Variants in RFTN2 observed in about 807,000 individuals in gnomAD.
The protein encoded by RFTN2 is raftlin-2.
RFTN2 carries 34 observed loss-of-function variants against 52.7 expected under a neutral mutation model. That is an observed-to-expected ratio of 0.64 (90% confidence interval 0.49 to 0.86). RFTN2 has a LOEUF of 0.86. RFTN2 is among the 40% of genes least tolerant of loss of function. The pLI is 0.00. For synonymous variants in RFTN2, 203 were observed against 217.7 expected (o/e 0.93, Z 0.59); for missense variants, 536 against 600.1 (o/e 0.89, Z 1.12).
At chr2:197,586,273 G>A (rs370175550) in intron 8 of RFTN2, among the ~76,000 whole-genome samples, 6 of 151,972 alleles carry the variant, frequency 3.9e-5, no homozygotes, top group African/African-American at 1.2e-4. Flanking sequence ...GATACTCATC[G>A]TTTTCTCACA....
chr2:197,595,445 C>T (rs995259716), intron 8 of RFTN2, among the ~76,000 whole-genome samples: 1 of 152,072 alleles, frequency 6.6e-6, no homozygotes, highest in Admixed American at 6.6e-5. Flanking sequence ...GTGTAGAAGA[C>T]CTGGGAGTTT....
chr2:197,624,131 C>T (rs528762748), intron 5 of RFTN2, among the ~76,000 whole-genome samples: 5 of 152,176 alleles, frequency 3.3e-5, no homozygotes, highest in Admixed American at 1.3e-4. Context: ...GAATCTACTC[C>T]TGGTGAAGAT....
rs534834959 is a variant in RFTN2, at chr2:197,623,230, A to G, written c.929-5309T>C. On this transcript the variant is annotated intron_variant, in intron 5 of 8. Coordinates refer to ENST00000295049, the MANE Select transcript of RFTN2 (RefSeq NM_144629.3). ...ATGCCATTAAGAACATTTATGATTC[A>G]TGGGAGGAGGCCAAAATATCAACAT... Among the ~76,000 whole-genome samples the G allele has an allele frequency of 1.4e-4, 21 of 152,354 alleles. No individual in the cohort carries two copies. In the South Asian group the frequency reaches 4.3e-3, roughly 32 times the overall value.
intron 7 of RFTN2, among the ~76,000 whole-genome samples, chr2:197,605,805 T>C (rs1011688153): frequency 6.6e-6 from 1 of 152,166 alleles, no homozygotes; most frequent in Non-Finnish European, 1.5e-5. Flanking sequence ...GAAAATCATT[T>C]ACTATTCCAA....
intron 2 of RFTN2, 69 bp downstream of exon 2, chr2:197,646,414 A>C: frequency 3.8e-6 from 5 of 1,326,282 alleles, no homozygotes; most frequent in Non-Finnish European, 5.2e-6. Flanking sequence ...ACTTGATTCA[A>C]ATTTTTTTTT....
chr2:197,605,576 T>G (rs1011802739), intron 7 of RFTN2, among the ~76,000 whole-genome samples: 9 of 152,320 alleles, frequency 5.9e-5, no homozygotes, highest in African/African-American at 2.2e-4. Context: ...TCACTCTTCT[T>G]TAAATATATC....
At chr2:197,669,201 T>A (rs550064275) in intron 1 of RFTN2, among the ~76,000 whole-genome samples, 7 of 152,358 alleles carry the variant, frequency 4.6e-5, no homozygotes, top group Admixed American at 3.9e-4. Context: ...GACCAAATTA[T>A]GACCAAACTC....
chr2:197,646,419 T>C, intron 2 of RFTN2, 64 bp downstream of exon 2: 1 of 1,356,690 alleles, frequency 7.4e-7, no homozygotes, highest in South Asian at 1.5e-5. Flanking sequence ...ATTCAAATTT[T>C]TTTTTCTTTT....
intron 5 of RFTN2, among the ~76,000 whole-genome samples, chr2:197,625,712 TCCTCTCCTCC>T (rs1207239922): frequency 1.5e-4 from 17 of 110,036 alleles, no homozygotes; most frequent in Non-Finnish European, 1.8e-4. Flanking sequence ...TCCTCTCCTC[TCCTCTCCTCC>T]CCTCCCTTCC....
At chr2:197,620,605 T>A (rs1163438531) in intron 5 of RFTN2, among the ~76,000 whole-genome samples, 1 of 152,220 alleles carries the variant, frequency 6.6e-6, no homozygotes, top group African/African-American at 2.4e-5. Context: ...ATTATTATTA[T>A]TTTTTTGACA....
At chr2:197,581,514 A>T (rs978588969) in intron 8 of RFTN2, among the ~76,000 whole-genome samples, 26 of 152,072 alleles carry the variant, frequency 1.7e-4, no homozygotes, top group Non-Finnish European at 2.9e-4. Flanking sequence ...GCTCTTTCTC[A>T]TGATTTACTT....
intron 3 of RFTN2, among the ~76,000 whole-genome samples, chr2:197,640,072 C>T (rs898283260): frequency 2.0e-4 from 30 of 152,190 alleles, no homozygotes; most frequent in African/African-American, 7.0e-4. Context: ...GTCAGGGACC[C>T]ACTTGAGGAG....
intron 7 of RFTN2, among the ~76,000 whole-genome samples, chr2:197,599,421 C>T (rs897781997): frequency 2.6e-5 from 4 of 152,262 alleles, no homozygotes; most frequent in African/African-American, 7.2e-5. Context: ...GTTACTTACT[C>T]CCTCTGCAGT....
intron 8 of RFTN2, among the ~76,000 whole-genome samples, 169 bp from the exon 9 acceptor site, chr2:197,572,449 T>C (rs762119556): frequency 1.3e-5 from 2 of 152,124 alleles, no homozygotes; most frequent in Non-Finnish European, 2.9e-5. Context: ...CATTCCCCTC[T>C]CCACCCAAAT....
intron 5 of RFTN2, among the ~76,000 whole-genome samples, chr2:197,618,780 G>A (rs1353675730): frequency 2.0e-5 from 3 of 148,930 alleles, no homozygotes; most frequent in African/African-American, 7.5e-5. Flanking sequence ...CGGACGCCCC[G>A]TCTGAGAAGT....
At chr2:197,573,691 C>T (rs1331080254) in intron 8 of RFTN2, among the ~76,000 whole-genome samples, 2 of 152,208 alleles carry the variant, frequency 1.3e-5, no homozygotes, top group Non-Finnish European at 2.9e-5. Flanking sequence ...GAAAATGTCT[C>T]CAGGGCATTT....
intron 8 of RFTN2, among the ~76,000 whole-genome samples, chr2:197,581,490 A>G (rs1227760186): frequency 1.3e-5 from 2 of 152,132 alleles, no homozygotes; most frequent in African/African-American, 4.8e-5. Context: ...GACAGCCCTC[A>G]TTACTTCAGC....
intron 1 of RFTN2, among the ~76,000 whole-genome samples, chr2:197,651,248 C>T (rs990279268): frequency 1.3e-5 from 2 of 152,200 alleles, no homozygotes; most frequent in Non-Finnish European, 2.9e-5. Flanking sequence ...CTTTGATGCA[C>T]CAAAGCTTTT....
intron 8 of RFTN2, among the ~76,000 whole-genome samples, chr2:197,583,669 T>C (rs966677089): frequency 6.6e-6 from 1 of 151,848 alleles, no homozygotes; most frequent in Middle Eastern, 3.2e-3. Context: ...AGGGTACATG[T>C]GCACAACATG....
Sources: gnomAD v4.1 joint callset for allele counts (sites outside exome capture counted in the v4.1 genomes callset) on GRCh38, gnomAD v4.1.1 for gene constraint, MANE v1.5 for transcripts, NCBI Gene and HGNC (gene_info 2026-07-23, HGNC 2026-07-21) for gene names.